The following TANK variants were observed in gnomAD, a reference collection of about 807,000 sequenced individuals.
TANK encodes the protein TRAF family member associated NFKB activator, also known as TRAF family member-associated NF-kappa-B activator.
Under a neutral mutation model 43.6 loss-of-function variants are expected in TANK, and 15 were observed. The ratio of observed to expected loss-of-function variants is 0.34; its 90% CI spans 0.23 to 0.53. The LOEUF is 0.53. Ranked by LOEUF, TANK falls within the 20% of genes least tolerant of loss-of-function variation. The probability of loss-of-function intolerance (pLI) is 0.94; values close to 1 mark genes in which losing one functional copy is unlikely to be tolerated. For missense variants in TANK, 417 were observed against 498.6 expected (o/e 0.84, Z 1.56); for synonymous variants, 162 against 178.2 (o/e 0.91, Z 0.73).
chr2:161,137,521 A>AT (rs886480146), intron 1 of TANK, among the ~76,000 whole-genome samples: 1 of 152,182 alleles, frequency 6.6e-6, no homozygotes, highest in African/African-American at 2.4e-5. Flanking sequence ...CCAATGAATG[A>AT]TTTTTATAAC....
intron 1 of TANK, among the ~76,000 whole-genome samples, chr2:161,139,318 C>T (rs1293129652): frequency 1.3e-5 from 2 of 152,122 alleles, no homozygotes; most frequent in South Asian, 2.1e-4. Flanking sequence ...GAGATAAGTA[C>T]ATTTATCATA....
intron 2 of TANK, among the ~76,000 whole-genome samples, chr2:161,195,416 G>T (rs1306869468): frequency 1.3e-5 from 2 of 152,174 alleles, no homozygotes; most frequent in Non-Finnish European, 2.9e-5. Flanking sequence ...GGTCAGAGAA[G>T]ATTATCATTA....
intron 4 of TANK, chr2:161,222,728 C>A (rs1687410513): frequency 6.6e-6 from 1 of 151,942 alleles, no homozygotes; most frequent in Non-Finnish European, 1.5e-5. Context: ...TATGCAGCAA[C>A]AAAATAATCT....
In TANK at chr2:161,169,312, A is replaced by G. The variant is rs144692886; in HGVS notation, c.-50+8826A>G. On this transcript the variant is annotated intron_variant, in intron 1 of 7. Transcript: ENST00000392749. ...GTTGTATTAGTGATAATAGGAAACA[A>G]AGCAAACAAGAATTTTCAGGGAAAA... Among the ~76,000 whole-genome samples the G allele has an allele frequency of 2.3e-4, 35 of 152,384 alleles. 1 individual carries two copies. In the East Asian group the frequency reaches 6.7e-3, roughly 29 times the overall value.
Position 161,231,154 on chromosome 2 carries a change from A to G in TANK, c.704A>G (p.Lys235Arg). The part of the protein sequence containing the change: ...SFESLSKFNV[K>R]FPPMDNDSTF... ...GAATCACTTTCTAAATTCAATGTCA[A>G]GTTTCCACCTATGGACAATGACTCA... Residue 235 changes from lysine to arginine, a missense_variant, in exon 7 of 8, where the codon AAG becomes AGG. Coordinates refer to ENST00000392749, the MANE Select transcript of TANK (RefSeq NM_001199135.3). 6.2e-7 allele frequency: 1 copy of G among 1,614,072 alleles called. No homozygotes were observed.
intron 1 of TANK, among the ~76,000 whole-genome samples, chr2:161,139,169 T>G (rs1241895035): frequency 6.6e-6 from 1 of 152,192 alleles, no homozygotes; most frequent in African/African-American, 2.4e-5. Flanking sequence ...ATTATCCCTT[T>G]TTTTCCTCAC....
intron 4 of TANK, among the ~76,000 whole-genome samples, chr2:161,214,631 A>C (rs1026842534): frequency 9.9e-5 from 15 of 152,038 alleles, no homozygotes; most frequent in African/African-American, 3.6e-4. Context: ...CATCAGTCTA[A>C]ATGCCAACAC....
intron 2 of TANK, chr2:161,201,369 C>A: frequency 1.4e-6 from 1 of 694,842 alleles, no homozygotes; most frequent in Non-Finnish European, 1.8e-6. Flanking sequence ...TAAAAATTAA[C>A]TGGCAGAAGC....
At chr2:161,200,972 A>C (rs1434984376) in intron 2 of TANK, 1 of 325,654 alleles carries the variant, frequency 3.1e-6, no homozygotes, top group Admixed American at 6.5e-5. Flanking sequence ...GGCACTCTGT[A>C]ATACTCTGGA....
At chr2:161,232,666 G>A (rs1687976575) in intron 7 of TANK, 2 of 1,450,978 alleles carry the variant, frequency 1.4e-6, no homozygotes, top group East Asian at 2.5e-5. Context: ...GTGGAGCTGT[G>A]AAGTGCATCA....
At chr2:161,195,176 A>G (rs1686090168) in intron 2 of TANK, among the ~76,000 whole-genome samples, 2 of 152,222 alleles carry the variant, frequency 1.3e-5, no homozygotes, top group African/African-American at 4.8e-5. Context: ...TATTCATTCA[A>G]AAATATATTG....
At chr2:161,153,755 A>G (rs1372885738) in intron 1 of TANK, among the ~76,000 whole-genome samples, 2 of 151,318 alleles carry the variant, frequency 1.3e-5, no homozygotes, top group African/African-American at 4.9e-5. Context: ...GGAATTTTCT[A>G]TATTACCCAA....
At chr2:161,231,783 A>G (rs1397534974) in intron 7 of TANK, among the ~76,000 whole-genome samples, 3 of 152,264 alleles carry the variant, frequency 2.0e-5, no homozygotes, top group African/African-American at 7.2e-5. Flanking sequence ...ATTTAAAAAT[A>G]CATGTTAAGC....
intron 6 of TANK, 52 bp downstream of exon 6, chr2:161,224,798 T>G: frequency 8.8e-7 from 1 of 1,133,632 alleles, no homozygotes; most frequent in East Asian, 2.6e-5. Flanking sequence ...TTGAAATTGA[T>G]TTCCTTTTGA....
At chr2:161,218,160 A>C (rs757080517) in intron 4 of TANK, among the ~76,000 whole-genome samples, 5 of 152,150 alleles carry the variant, frequency 3.3e-5, no homozygotes, top group Non-Finnish European at 7.3e-5. Context: ...ATCCTTGAGA[A>C]CGCAGCAAAA....
chr2:161,216,643 A>G (rs1210107557), intron 4 of TANK, among the ~76,000 whole-genome samples: 2 of 150,280 alleles, frequency 1.3e-5, no homozygotes, highest in African/African-American at 2.4e-5. Context: ...TTTATTACTC[A>G]GGAAAGGCCT....
At chr2:161,198,221 C>T (rs1686244716) in intron 2 of TANK, among the ~76,000 whole-genome samples, 1 of 152,222 alleles carries the variant, frequency 6.6e-6, no homozygotes, top group Admixed American at 6.5e-5. Flanking sequence ...CTAACAGGTT[C>T]TAACCAAATC....
rs1686582147 is a variant in TANK, at chr2:161,204,949, C to T, written c.327+156C>T. ...TATTTCTAAATAGAAGAACTATTTT[C>T]AAGTAAAATAAAGGCTGAGGTTTTG... On this transcript the variant is annotated intron_variant, in intron 4 of 7. Transcript: ENST00000392749. 3.5e-6 allele frequency: 5 copies of T among 1,416,552 alleles called. No individual in the cohort carries two copies. The South Asian group carries it at 7.4e-5, about 21-fold the overall frequency. 87.7% of individuals were successfully genotyped at this position (1,416,552 alleles called of 1,614,324 possible).
At chr2:161,197,456 T>C (rs1686206102) in intron 2 of TANK, 1 of 152,218 alleles carries the variant, frequency 6.6e-6, no homozygotes, top group Admixed American at 6.5e-5. Context: ...ACCAGAGCTT[T>C]TGTTCATAAA....
Sources: allele counts gnomAD v4.1 joint callset (sites outside exome capture counted in the v4.1 genomes callset), GRCh38; gene constraint gnomAD v4.1.1; transcripts MANE v1.5; gene names NCBI Gene and HGNC (gene_info 2026-07-23, HGNC 2026-07-21).